CCBE1: variants seen among roughly 807,000 people sequenced by gnomAD.
CCBE1 encodes collagen and calcium-binding EGF domain-containing protein 1.
CCBE1 carries 37 observed loss-of-function variants against 50.0 expected under a neutral mutation model. That is an observed-to-expected ratio of 0.74 (90% CI 0.57 to 0.97). The LOEUF (loss-of-function observed/expected upper bound fraction) is 0.97. Ranked by LOEUF, CCBE1 falls within the 50% of genes least tolerant of loss-of-function variation. CCBE1 has a pLI of 0.00. For synonymous variants in CCBE1, 234 were observed against 203.7 expected, an observed-to-expected ratio of 1.15 and a Z score of -1.27; for missense variants, 538 against 523.8, an observed-to-expected ratio of 1.03 and a Z score of -0.26.
chr18:59,676,470 TCTTATATATAACTGC>T (rs1381724744), intron 2 of CCBE1, among the ~76,000 whole-genome samples: 2 of 152,208 alleles, frequency 1.3e-5, no homozygotes, highest in African/African-American at 2.4e-5. Flanking sequence ...TATGCTATCT[TCTTATATATAACTGC>T]CTTATATATG....
chr18:59,472,907 G>A (rs992988639), intron 3 of CCBE1, among the ~76,000 whole-genome samples: 2 of 152,216 alleles, frequency 1.3e-5, no homozygotes, highest in African/African-American at 2.4e-5. Flanking sequence ...ACAAGAGAGA[G>A]CTTGTGCATG....
At chr18:59,460,697 C>G (rs1159792307) in intron 5 of CCBE1, among the ~76,000 whole-genome samples, 1 of 152,112 alleles carries the variant, frequency 6.6e-6, no homozygotes, top group African/African-American at 2.4e-5. Flanking sequence ...ATTGGGAGGT[C>G]AAGGCAGGCA....
At chr18:59,675,885 G>A (rs1162897100) in intron 2 of CCBE1, among the ~76,000 whole-genome samples, 1 of 152,192 alleles carries the variant, frequency 6.6e-6, no homozygotes, top group Non-Finnish European at 1.5e-5. Flanking sequence ...ATGTTCAACA[G>A]AGGCAAACAA....
At chr18:59,610,587 C>G in intron 2 of CCBE1, among the ~76,000 whole-genome samples, 1 of 152,174 alleles carries the variant, frequency 6.6e-6, no homozygotes, top group Non-Finnish European at 1.5e-5. Flanking sequence ...AACAGATTGT[C>G]TGAGTGCTCC....
chr18:59,527,733 C>CA (rs1438995493), intron 2 of CCBE1, among the ~76,000 whole-genome samples: 1 of 152,176 alleles, frequency 6.6e-6, no homozygotes, highest in Non-Finnish European at 1.5e-5. Context: ...ATTTCTCCTT[C>CA]CAGTATGAAG....
Position 59,432,958 on chromosome 18 carries a change from T to TG in CCBE1, c.*2949_*2950insC, listed in dbSNP as rs1290958600. On this transcript the variant is annotated 3_prime_UTR_variant, in exon 11 of 11. Transcript: ENST00000439986. ...CAGCTTGTGCATAGTTTTGTGTGTTTTTTTTTAAACATTCATCCATCCACA... is the reference window on the plus strand; with the variant it reads ...CAGCTTGTGCATAGTTTTGTGTGTTTGTTTTTTAAACATTCATCCATCCACA... 3.3e-5 allele frequency: 5 copies of TG among 151,624 alleles called. No homozygotes were observed. Among genetic ancestry groups the TG allele is most frequent in the African/African-American group, 1.2e-4 (5 of 41,268 alleles). The allele number at this position is 151,624 out of a possible 1,614,324, so 9.4% of individuals were successfully genotyped here.
chr18:59,535,038 C>G (rs1915194448), intron 2 of CCBE1, among the ~76,000 whole-genome samples: 1 of 152,242 alleles, frequency 6.6e-6, no homozygotes, highest in East Asian at 1.9e-4. Context: ...GTTTCGAATC[C>G]CCAATTTCCC....
At chr18:59,498,215 A>G (rs1235056849) in intron 2 of CCBE1, among the ~76,000 whole-genome samples, 15 of 151,762 alleles carry the variant, frequency 9.9e-5, no homozygotes, top group Admixed American at 2.6e-4. Context: ...TTGTCCAGTT[A>G]TACTGGTGAC....
chr18:59,575,149 C>T (rs1026190322), intron 2 of CCBE1, among the ~76,000 whole-genome samples: 3 of 152,316 alleles, frequency 2.0e-5, no homozygotes, highest in Middle Eastern at 3.4e-3. Flanking sequence ...AGGCAGTTCT[C>T]TGAAGGAACC....
intron 2 of CCBE1, among the ~76,000 whole-genome samples, chr18:59,563,383 G>A (rs1314303930): frequency 6.6e-6 from 1 of 152,210 alleles, no homozygotes; most frequent in African/African-American, 2.4e-5. Flanking sequence ...ACATTTGGAA[G>A]CAGACTATCA....
At position 59,435,904 on chromosome 18, in the gene CCBE1, T is replaced by A. The variant is rs1434538746; in HGVS notation, c.*4A>T. 6.2e-7 allele frequency: 1 copy of A among 1,612,476 alleles called. No individual in the cohort carries two copies. Among genetic ancestry groups the A allele is most frequent in the South Asian group, 1.1e-5 (1 of 91,024 alleles). ...TTCCTTTGGCGTGACGGTGTTGGGA[T>A]GTGCTATGGGTAGAAGTCTCTGGGG... On this transcript the variant is annotated 3_prime_UTR_variant, in exon 11 of 11. Coordinates refer to ENST00000439986, the MANE Select transcript of CCBE1 (RefSeq NM_133459.4).
chr18:59,641,633 C>T (rs1317655407), intron 2 of CCBE1, among the ~76,000 whole-genome samples: 1 of 152,100 alleles, frequency 6.6e-6, no homozygotes, highest in Non-Finnish European at 1.5e-5. Flanking sequence ...CAAGAACCAC[C>T]AAAATATTCC....
At chr18:59,568,697 T>C (rs2052864990) in intron 2 of CCBE1, 1 of 152,232 alleles carries the variant, frequency 6.6e-6, no homozygotes, top group African/African-American at 2.4e-5. Context: ...TTTCATCAGA[T>C]GGGCATGTGT....
At chr18:59,605,130 T>G (rs1026280890) in intron 2 of CCBE1, among the ~76,000 whole-genome samples, 2 of 152,186 alleles carry the variant, frequency 1.3e-5, no homozygotes, top group Non-Finnish European at 1.5e-5. Context: ...CAGGAGCTGG[T>G]GGTTCTGCCC....
rs114776205 is a variant in CCBE1 at position 59,626,295 on chromosome 18, C to T, written c.212+70334G>A. 6.5e-3 allele frequency among the ~76,000 whole-genome samples: 989 copies of T among 152,334 alleles called. 6 individuals carry two copies. Among genetic ancestry groups the T allele is most frequent in the African/African-American group, 0.022 (903 of 41,568 alleles). On this transcript the variant is annotated intron_variant, in intron 2 of 10. Coordinates refer to ENST00000439986, the MANE Select transcript of CCBE1 (RefSeq NM_133459.4). ...AATCCTTTGGTAAAGTAAACCACCT[C>T]GCAATGCATCTGTTTTGAAAGTCCA...
intron 5 of CCBE1, among the ~76,000 whole-genome samples, chr18:59,465,889 C>T (rs1189841555): frequency 6.6e-6 from 1 of 152,118 alleles, no homozygotes; most frequent in African/African-American, 2.4e-5. Context: ...TCTCTAAGAG[C>T]ACACCACTTC....
At chr18:59,591,251 A>C (rs2053264453) in intron 2 of CCBE1, among the ~76,000 whole-genome samples, 1 of 25,588 alleles carries the variant, frequency 3.9e-5, no homozygotes, top group Non-Finnish European at 6.0e-5. Context: ...GTCTCAAAAA[A>C]AAAAAAAAAA....
chr18:59,522,358 T>C (rs1457666592), intron 2 of CCBE1, among the ~76,000 whole-genome samples: 1 of 152,234 alleles, frequency 6.6e-6, no homozygotes, highest in African/African-American at 2.4e-5. Flanking sequence ...TTCTATAGCA[T>C]GTTTCTGGTC....
At chr18:59,580,220 A>G (rs1332218091) in intron 2 of CCBE1, among the ~76,000 whole-genome samples, 1 of 152,166 alleles carries the variant, frequency 6.6e-6, no homozygotes, top group African/African-American at 2.4e-5. Flanking sequence ...CACATATCTG[A>G]TCGCCTCCTT....
Sources: gnomAD v4.1 joint callset for allele counts (sites outside exome capture counted in the v4.1 genomes callset) on GRCh38, gnomAD v4.1.1 for gene constraint, MANE v1.5 for transcripts, NCBI Gene and HGNC (gene_info 2026-07-23, HGNC 2026-07-21) for gene names.